The following LPIN2 variants were observed in gnomAD, a reference collection of about 807,000 sequenced individuals.
The protein encoded by LPIN2 is lipin 2.
Under a neutral mutation model 111.4 loss-of-function variants are expected in LPIN2, and 55 were observed. That is an observed-to-expected ratio of 0.49 (90% CI 0.40 to 0.62). LPIN2 has a LOEUF of 0.62. LPIN2 is among the 20% of genes least tolerant of loss of function. The pLI is 0.00. For synonymous variants in LPIN2, 425 were observed against 414.0 expected (o/e 1.03, Z -0.32); for missense variants, 992 against 1,112.1 (o/e 0.89, Z 1.54).
intron 8 of LPIN2, among the ~76,000 whole-genome samples, chr18:2,934,132 CATT>C (rs1336345574): frequency 2.0e-5 from 3 of 152,194 alleles, no homozygotes; most frequent in South Asian, 4.1e-4. Context: ...TATCTCTCCT[CATT>C]GTATTGAAAA....
At chr18:3,002,155 G>A (rs190036942) in intron 1 of LPIN2, among the ~76,000 whole-genome samples, 1 of 150,752 alleles carries the variant, frequency 6.6e-6, no homozygotes, top group East Asian at 2.0e-4. Context: ...ACACTTACAG[G>A]GGGAAGGTCC....
intron 1 of LPIN2, chr18:2,976,977 T>C (rs1420769142): frequency 6.6e-6 from 1 of 151,936 alleles, no homozygotes; most frequent in Admixed American, 6.6e-5. Flanking sequence ...GAGGCCAAGG[T>C]GGGCAGATCA....
At chr18:3,007,708 G>C (rs16973294) in intron 1 of LPIN2, among the ~76,000 whole-genome samples, 6,809 of 152,246 alleles carry the variant, frequency 0.045, 490 homozygotes, top group African/African-American at 0.15. Flanking sequence ...ACTCAACTGT[G>C]AGGAAAAATA....
At chr18:2,995,198 C>G (rs1184651190) in intron 1 of LPIN2, among the ~76,000 whole-genome samples, 1 of 23,678 alleles carries the variant, frequency 4.2e-5, no homozygotes, top group East Asian at 6.4e-3. Flanking sequence ...AGTTCCAAGA[C>G]CTATGCCACA....
At chr18:2,924,342 GC>G (rs1457515337) in intron 15 of LPIN2, 55 bp downstream of exon 15, 2 of 1,608,538 alleles carry the variant, frequency 1.2e-6, no homozygotes, top group Non-Finnish European at 8.5e-7. Flanking sequence ...CACACTGCCT[GC>G]CCCTCCCTGA....
At chr18:2,920,690 G>T in intron 19 of LPIN2, 88 bp downstream of exon 19, 1 of 1,003,794 alleles carries the variant, frequency 1.0e-6, no homozygotes, top group Non-Finnish European at 1.6e-6. Flanking sequence ...CTGATCTCAA[G>T]GATCAGGGGG....
In LPIN2 at chr18:2,932,654, GC is replaced by G. The variant is rs1330639717; in HGVS notation, c.1269-1212del. 2.0e-5 allele frequency among the ~76,000 whole-genome samples: 3 copies of G among 152,278 alleles called. No individual in the cohort carries two copies. The East Asian group carries it at 5.8e-4, about 29-fold the overall frequency. ...CTCTTTCTCCGGGGCACACGGCGAG[GC>G]CCCCTTGCAGTCAGGTGGGGCCACG... On this transcript the variant is annotated intron_variant, in intron 8 of 19. Transcript: ENST00000677752.
At chr18:2,981,480 C>T (rs1448366139) in intron 1 of LPIN2, among the ~76,000 whole-genome samples, 6 of 152,176 alleles carry the variant, frequency 3.9e-5, no homozygotes, top group African/African-American at 1.4e-4. Context: ...CACCAGCAGA[C>T]ACAAGTCTTA....
At chr18:2,964,566 G>A (rs1259933684) in intron 1 of LPIN2, among the ~76,000 whole-genome samples, 1 of 152,114 alleles carries the variant, frequency 6.6e-6, no homozygotes, top group Non-Finnish European at 1.5e-5. Flanking sequence ...TGCAAACCAG[G>A]AAGAGAGCCC....
intron 2 of LPIN2, among the ~76,000 whole-genome samples, chr18:2,960,231 C>T (rs1393595671): frequency 2.2e-5 from 3 of 139,152 alleles, no homozygotes; most frequent in South Asian, 2.3e-4. Context: ...CTTGATTATA[C>T]CCACCTATTC....
At chr18:2,933,474 C>G (rs1249362841) in intron 8 of LPIN2, among the ~76,000 whole-genome samples, 5 of 152,162 alleles carry the variant, frequency 3.3e-5, no homozygotes, top group Non-Finnish European at 5.9e-5. Flanking sequence ...CCAACTATTA[C>G]TTCAAATGAA....
Position 2,920,010 on chromosome 18 carries a change from A to G in LPIN2, c.*283T>C. On this transcript the variant is annotated 3_prime_UTR_variant, in exon 20 of 20. Transcript: ENST00000677752. ...TCCTTTAAAATGATGCAATGGAAGG[A>G]GGCCCCAGCTCACAGCAGGAAACAT... 1 of 529,502 alleles carries G rather than the reference A, an allele frequency of 1.9e-6. No homozygotes were observed. The highest frequency in any genetic ancestry group is 3.3e-5 in the East Asian group (1 of 30,004). 32.8% of individuals were successfully genotyped at this position (529,502 alleles called of 1,614,324 possible).
At chr18:2,939,672 GA>G in intron 5 of LPIN2, 69 bp from the exon 6 acceptor site, 2 of 1,569,452 alleles carry the variant, frequency 1.3e-6, no homozygotes, top group Non-Finnish European at 1.7e-6. Context: ...GAGCCTGACA[GA>G]TTAAAAGAAA....
chr18:2,970,448 A>C (rs1826940403), intron 1 of LPIN2, among the ~76,000 whole-genome samples: 1 of 152,260 alleles, frequency 6.6e-6, no homozygotes, highest in Non-Finnish European at 1.5e-5. Flanking sequence ...GATGGGATGC[A>C]GAAGGCCCAC....
intron 1 of LPIN2, among the ~76,000 whole-genome samples, chr18:2,994,377 T>C (rs1334272522): frequency 1.3e-5 from 2 of 152,232 alleles, no homozygotes; most frequent in Non-Finnish European, 2.9e-5. Context: ...AGCAGACCTA[T>C]GGTCAGGCTC....
chr18:2,943,880 A>G (rs2077404050), intron 4 of LPIN2, among the ~76,000 whole-genome samples: 1 of 152,200 alleles, frequency 6.6e-6, no homozygotes, highest in Admixed American at 6.5e-5. Flanking sequence ...CAACTAAGTT[A>G]TTTGCTAATG....
At chr18:2,992,382 G>T (rs555592700) in intron 1 of LPIN2, among the ~76,000 whole-genome samples, 1 of 152,264 alleles carries the variant, frequency 6.6e-6, no homozygotes, top group African/African-American at 2.4e-5. Flanking sequence ...ATAAATAAAA[G>T]GTAGATTAGA....
At chr18:2,985,348 G>A (rs1003803065) in intron 1 of LPIN2, 5 of 152,044 alleles carry the variant, frequency 3.3e-5, no homozygotes, top group Admixed American at 6.6e-5. Flanking sequence ...AAAGGAAAAC[G>A]CTACTGTATT....
intron 8 of LPIN2, among the ~76,000 whole-genome samples, chr18:2,932,651 G>A (rs562780770): frequency 1.3e-5 from 2 of 152,190 alleles, no homozygotes; most frequent in Non-Finnish European, 2.9e-5. Flanking sequence ...GGCACACGGC[G>A]AGGCCCCCTT....
Sources: gnomAD v4.1 joint callset for allele counts (sites outside exome capture counted in the v4.1 genomes callset) on GRCh38, gnomAD v4.1.1 for gene constraint, MANE v1.5 for transcripts, NCBI Gene and HGNC (gene_info 2026-07-23, HGNC 2026-07-21) for gene names.